The following ENPP2 variants were observed in gnomAD, a reference collection of about 807,000 sequenced individuals.
The protein encoded by ENPP2 is autotaxin.
In ENPP2, 51 loss-of-function variants were observed where a neutral mutation model predicts 120.2. The ratio of observed to expected loss-of-function variants is 0.42; its 90% CI spans 0.34 to 0.54. The LOEUF (loss-of-function observed/expected upper bound fraction) is 0.54, where lower values mean the gene tolerates loss of function less well. Among genes scored for constraint, ENPP2 ranks in the 20% least tolerant of loss-of-function variants. The pLI is 0.04. For missense variants in ENPP2, 920 were observed against 1,066.5 expected, an observed-to-expected ratio of 0.86 and a Z score of 1.91; for synonymous variants, 365 against 366.4, an observed-to-expected ratio of 1.00 and a Z score of 0.04.
intron 1 of ENPP2, among the ~76,000 whole-genome samples, chr8:119,654,612 T>C (rs545414636): frequency 1.0e-3 from 159 of 151,726 alleles, no homozygotes; most frequent in African/African-American, 3.7e-3. Context: ...CACAAAGTGC[T>C]GGAATAACAG....
intron 1 of ENPP2, among the ~76,000 whole-genome samples, chr8:119,650,573 T>C (rs1159700574): frequency 6.6e-6 from 1 of 152,150 alleles, no homozygotes; most frequent in Non-Finnish European, 1.5e-5. Flanking sequence ...AAAGGAACAT[T>C]AACCCTGATT....
chr8:119,588,953 AAC>A (rs1813311141), intron 13 of ENPP2, among the ~76,000 whole-genome samples: 1 of 152,162 alleles, frequency 6.6e-6, no homozygotes, highest in South Asian at 2.1e-4. Flanking sequence ...GAAACTTACT[AAC>A]CATCATCCTC....
chr8:119,626,334 A>C (rs902254208), intron 3 of ENPP2, among the ~76,000 whole-genome samples: 1 of 152,248 alleles, frequency 6.6e-6, no homozygotes, highest in Non-Finnish European at 1.5e-5. Context: ...TTGCAAAACC[A>C]GCACATCATG....
Position 119,590,556 on chromosome 8 carries a change from C to A in ENPP2, c.1156G>T (p.Val386Leu). ...CGAATTCTTCCTAGAGTTCCAGGCACTAAAGTAATATCATCCACATTAGTT... is the reference window on the plus strand; with the variant it reads ...CGAATTCTTCCTAGAGTTCCAGGCAATAAAGTAATATCATCCACATTAGTT... ...YLTNVDDITL[V>L]PGTLGRIRSK... The change falls in exon 13 of 25, where the codon GTG becomes TTG. Residue 386 changes from valine to leucine, a missense_variant. Val to Leu is a conservative substitution (Grantham distance 32, BLOSUM62 1). Coordinates refer to ENST00000075322, the MANE Select transcript of ENPP2 (RefSeq NM_001040092.3). 1 of 1,598,954 alleles carries A rather than the reference C, an allele frequency of 6.3e-7. No homozygotes were observed. The highest frequency in any genetic ancestry group is 8.5e-7 in the Non-Finnish European group (1 of 1,172,626).
chr8:119,594,344 T>A (rs1813741785), intron 11 of ENPP2, among the ~76,000 whole-genome samples: 1 of 152,212 alleles, frequency 6.6e-6, no homozygotes, highest in Non-Finnish European at 1.5e-5. Flanking sequence ...ATGAGATCCA[T>A]CTTGTTCTAA....
chr8:119,649,333 C>A (rs1211476224), intron 1 of ENPP2, among the ~76,000 whole-genome samples: 1 of 148,120 alleles, frequency 6.8e-6, no homozygotes, highest in African/African-American at 2.5e-5. Flanking sequence ...ACCTGGGAGG[C>A]GGAGCTTGCA....
chr8:119,618,263 T>G, intron 5 of ENPP2: 1 of 496,118 alleles, frequency 2.0e-6, no homozygotes, highest in Non-Finnish European at 4.0e-6. Flanking sequence ...CTTCTTGGGA[T>G]TCTCCAAATA....
rs750323244 is a variant in ENPP2, at chr8:119,569,196, T to C, written c.2053+39A>G. 4.4e-6 allele frequency: 7 copies of C among 1,594,426 alleles called. No homozygotes were observed. The East Asian group carries it at 1.6e-4, about 36-fold the overall frequency. ...AATACCAAGATTGCACAATGTGACATCCCTCTGAAGGCATCAGATCTTGAT... is the reference window on the plus strand; with the variant it reads ...AATACCAAGATTGCACAATGTGACACCCCTCTGAAGGCATCAGATCTTGAT... On this transcript the variant is annotated intron_variant, in intron 21 of 24. Coordinates refer to ENST00000075322, the MANE Select transcript of ENPP2 (RefSeq NM_001040092.3).
chr8:119,607,331 T>C (rs1190094303), intron 9 of ENPP2, among the ~76,000 whole-genome samples: 1 of 152,146 alleles, frequency 6.6e-6, no homozygotes, highest in Non-Finnish European at 1.5e-5. Context: ...CAAACAGGAA[T>C]AGAAAAATCT....
At chr8:119,637,837 T>A (rs544554679) in intron 2 of ENPP2, among the ~76,000 whole-genome samples, 154 of 152,326 alleles carry the variant, frequency 1.0e-3, no homozygotes, top group African/African-American at 3.6e-3. Flanking sequence ...TTCTATTATT[T>A]AAGTCAAGGT....
chr8:119,629,024 C>T (rs1245356280), intron 2 of ENPP2, among the ~76,000 whole-genome samples: 3 of 152,080 alleles, frequency 2.0e-5, no homozygotes, highest in African/African-American at 4.8e-5. Context: ...CCTTCTCTCT[C>T]ATTATATATA....
At chr8:119,629,079 CA>C (rs1445796404) in intron 2 of ENPP2, among the ~76,000 whole-genome samples, 1 of 151,856 alleles carries the variant, frequency 6.6e-6, no homozygotes, top group Non-Finnish European at 1.5e-5. Context: ...TATTTATGTA[CA>C]AAATATATAC....
At chr8:119,632,556 C>T (rs1816748471) in intron 2 of ENPP2, among the ~76,000 whole-genome samples, 1 of 152,074 alleles carries the variant, frequency 6.6e-6, no homozygotes, top group Non-Finnish European at 1.5e-5. Context: ...TTTTAAAATA[C>T]ACATAGGTAC....
At chr8:119,665,922 A>G (rs573447553) in intron 1 of ENPP2, among the ~76,000 whole-genome samples, 9 of 152,334 alleles carry the variant, frequency 5.9e-5, no homozygotes, top group South Asian at 2.1e-4. Flanking sequence ...CTCTTTTTGC[A>G]ACATCAAAAA....
At chr8:119,614,934 G>C (rs1421832833) in intron 8 of ENPP2, among the ~76,000 whole-genome samples, 1 of 152,052 alleles carries the variant, frequency 6.6e-6, no homozygotes. Context: ...CTATTATAAA[G>C]AAACTTATCT....
chr8:119,598,132 C>T (rs1814035384), intron 11 of ENPP2, among the ~76,000 whole-genome samples: 1 of 152,104 alleles, frequency 6.6e-6, no homozygotes, highest in African/African-American at 2.4e-5. Context: ...AGAATTTTTG[C>T]TGACTTGCTT....
At chr8:119,627,107 G>C (rs1373013627) in intron 2 of ENPP2, among the ~76,000 whole-genome samples, 1 of 152,026 alleles carries the variant, frequency 6.6e-6, no homozygotes, top group African/African-American at 2.4e-5. Flanking sequence ...TGACCACAGA[G>C]AACAGTACCT....
At chr8:119,632,099 A>G (rs984892892) in intron 2 of ENPP2, among the ~76,000 whole-genome samples, 71 of 152,208 alleles carry the variant, frequency 4.7e-4, no homozygotes, top group African/African-American at 1.4e-3. Context: ...AAATAGGGAA[A>G]GATTATCCGA....
rs1814752185 is a variant in ENPP2, at chr8:119,569,286, A to G, written c.2002T>C (p.Leu668=). Residue 668 remains leucine, a synonymous_variant, in exon 21 of 25, where the codon TTG becomes CTG. Transcript: ENST00000075322. Reference sequence around the variant, plus strand: ...ATCTGCTTATCATTTTTGTAGGCCAAACAGTTCTGACTGAAACTCGGAGAA... The same window carrying G: ...ATCTGCTTATCATTTTTGTAGGCCAGACAGTTCTGACTGAAACTCGGAGAA... ...RVSPSFSQNC[L]AYKNDKQMSY... is the part of the protein sequence containing the mutation. 1 of 1,613,940 alleles carries G rather than the reference A, an allele frequency of 6.2e-7. No individual in the cohort carries two copies. Among genetic ancestry groups the G allele is most frequent in the Non-Finnish European group, 8.5e-7 (1 of 1,179,980 alleles).
Sources: allele counts gnomAD v4.1 joint callset (sites outside exome capture counted in the v4.1 genomes callset), GRCh38; gene constraint gnomAD v4.1.1; transcripts MANE v1.5; gene names NCBI Gene and HGNC (gene_info 2026-07-23, HGNC 2026-07-21).